PHF2: variants seen among roughly 807,000 people sequenced by gnomAD.
The protein encoded by PHF2 is lysine-specific demethylase PHF2.
Under a neutral mutation model 120.5 loss-of-function variants are expected in PHF2, and 27 were observed. That is an observed-to-expected ratio of 0.22 (90% CI 0.17 to 0.31). The LOEUF (loss-of-function observed/expected upper bound fraction) is 0.31, where lower values mean the gene tolerates loss of function less well. Among genes scored for constraint, PHF2 ranks in the 10% least tolerant of loss-of-function variants. PHF2 has a pLI of 1.00. For missense variants in PHF2, 1,024 were observed against 1,434.8 expected (o/e 0.71, Z 4.63); for synonymous variants, 568 against 592.5 (o/e 0.96, Z 0.60).
At chr9:93,658,825 T>A (rs940284378) in intron 10 of PHF2, among the ~76,000 whole-genome samples, 1 of 152,156 alleles carries the variant, frequency 6.6e-6, no homozygotes. Flanking sequence ...CTCTTACCGA[T>A]GACCATCCTG....
At chr9:93,667,384 C>A in intron 17 of PHF2, 144 bp downstream of exon 17, 1 of 882,516 alleles carries the variant, frequency 1.1e-6, no homozygotes, top group Non-Finnish European at 1.7e-6. Flanking sequence ...CAGAAGGGCA[C>A]ACCTCAGATG....
At chr9:93,614,394 C>A (rs564877097) in intron 1 of PHF2, among the ~76,000 whole-genome samples, 1 of 152,224 alleles carries the variant, frequency 6.6e-6, no homozygotes, top group Non-Finnish European at 1.5e-5. Flanking sequence ...TCTGTTTCCC[C>A]TGTGGCTTCT....
intron 14 of PHF2, 114 bp downstream of exon 14, chr9:93,663,749 A>G (rs750623017): frequency 1.6e-5 from 10 of 631,972 alleles, no homozygotes; most frequent in South Asian, 7.0e-5. Context: ...CACACACACT[A>G]TGCATGCACT....
At chr9:93,653,057 G>A in intron 5 of PHF2, 122 bp from the exon 6 acceptor site, 1 of 807,668 alleles carries the variant, frequency 1.2e-6, no homozygotes, top group Non-Finnish European at 1.9e-6. Flanking sequence ...TGGGAGCTGT[G>A]ACCCGTGGCC....
chr9:93,639,432 G>A (rs1037068521), intron 3 of PHF2, among the ~76,000 whole-genome samples: 1 of 152,016 alleles, frequency 6.6e-6, no homozygotes, highest in Admixed American at 6.6e-5. Flanking sequence ...TTGCAACCCT[G>A]CTGAACTAGT....
chr9:93,644,098 GA>G (rs1432728883), intron 3 of PHF2, among the ~76,000 whole-genome samples: 1 of 152,162 alleles, frequency 6.6e-6, no homozygotes, highest in Non-Finnish European at 1.5e-5. Flanking sequence ...TAGAATTCCA[GA>G]GGCTCGGCTG....
chr9:93,605,343 A>G (rs1235034693), intron 1 of PHF2, among the ~76,000 whole-genome samples: 4 of 152,188 alleles, frequency 2.6e-5, no homozygotes, highest in African/African-American at 9.6e-5. Flanking sequence ...TCAGTCTCCC[A>G]AAGTGCTGGG....
At chr9:93,581,072 C>G (rs886769297) in intron 1 of PHF2, among the ~76,000 whole-genome samples, 17 of 152,126 alleles carry the variant, frequency 1.1e-4, no homozygotes, top group African/African-American at 3.6e-4. Flanking sequence ...GTGGACAAGA[C>G]TTGCCTGGCA....
intron 1 of PHF2, among the ~76,000 whole-genome samples, chr9:93,611,153 C>T (rs1171504171): frequency 6.6e-6 from 1 of 152,072 alleles, no homozygotes; most frequent in Admixed American, 6.5e-5. Flanking sequence ...GGTGGCTCAA[C>T]GCCTGTAATC....
At chr9:93,667,321 C>T (rs1168563924) in intron 17 of PHF2, 81 bp downstream of exon 17, 1 of 1,505,740 alleles carries the variant, frequency 6.6e-7, no homozygotes, top group Non-Finnish European at 9.0e-7. Flanking sequence ...TGGTGGGAGC[C>T]TGCGAGGCAG....
Position 93,586,061 on chromosome 9 carries a change from A to G in PHF2, c.98+9190A>G, listed in dbSNP as rs543873696. On this transcript the variant is annotated intron_variant, in intron 1 of 21. Coordinates refer to ENST00000359246, the MANE Select transcript of PHF2 (RefSeq NM_005392.4). Reference sequence around the variant, plus strand: ...GGCCTGGAGTCCTGAGACACTTGGTATCCTGGAACAGTATAGAAACTGCAG... The same window carrying G: ...GGCCTGGAGTCCTGAGACACTTGGTGTCCTGGAACAGTATAGAAACTGCAG... Among the ~76,000 whole-genome samples, 18 of 152,350 alleles carry G rather than the reference A, an allele frequency of 1.2e-4. No individual in the cohort carries two copies. The South Asian group carries it at 3.3e-3, about 28-fold the overall frequency.
At chr9:93,622,140 G>A (rs938793535) in intron 1 of PHF2, among the ~76,000 whole-genome samples, 2 of 152,162 alleles carry the variant, frequency 1.3e-5, no homozygotes, top group African/African-American at 4.8e-5. Context: ...CACAGGGAGG[G>A]GTGAGGCCTG....
intron 20 of PHF2, 71 bp from the exon 21 acceptor site, chr9:93,676,523 C>G: frequency 3.3e-6 from 5 of 1,524,878 alleles, no homozygotes; most frequent in Non-Finnish European, 4.4e-6. Context: ...CAAGGCCATG[C>G]CGGGAGCTCC....
intron 1 of PHF2, among the ~76,000 whole-genome samples, chr9:93,592,960 G>A (rs1034261508): frequency 2.6e-5 from 4 of 151,986 alleles, no homozygotes; most frequent in Admixed American, 1.3e-4. Context: ...CCCAGGCCCT[G>A]CAGCTGTACC....
At chr9:93,622,303 G>T (rs1184890372) in intron 1 of PHF2, among the ~76,000 whole-genome samples, 1 of 152,240 alleles carries the variant, frequency 6.6e-6, no homozygotes, top group Admixed American at 6.5e-5. Context: ...CCTGAGGTGT[G>T]TTTCTTAGCT....
chr9:93,662,204 T>TGG (rs1369076979), intron 12 of PHF2, among the ~76,000 whole-genome samples: 1 of 150,756 alleles, frequency 6.6e-6, no homozygotes, highest in Non-Finnish European at 1.5e-5. Context: ...AGCAGATACA[T>TGG]GGATGGATAG....
intron 1 of PHF2, among the ~76,000 whole-genome samples, chr9:93,611,595 C>T (rs1587680036): frequency 6.6e-6 from 1 of 152,284 alleles, no homozygotes; most frequent in Non-Finnish European, 1.5e-5. Flanking sequence ...ACTGTAGCTT[C>T]GAACTCCTGG....
intron 14 of PHF2, among the ~76,000 whole-genome samples, 185 bp from the exon 15 acceptor site, chr9:93,665,501 C>T (rs1007059456): frequency 1.3e-5 from 2 of 152,238 alleles, no homozygotes; most frequent in Non-Finnish European, 2.9e-5. Flanking sequence ...CTTGGGCCCT[C>T]TACCCTCCTC....
At chr9:93,621,681 C>T (rs1006243762) in intron 1 of PHF2, among the ~76,000 whole-genome samples, 1 of 152,188 alleles carries the variant, frequency 6.6e-6, no homozygotes, top group Non-Finnish European at 1.5e-5. Context: ...TTGTGCTGGC[C>T]GTGCACGTTC....
Sources: allele counts gnomAD v4.1 joint callset (sites outside exome capture counted in the v4.1 genomes callset), GRCh38; gene constraint gnomAD v4.1.1; transcripts MANE v1.5; gene names NCBI Gene and HGNC (gene_info 2026-07-23, HGNC 2026-07-21).